Variants in CTNNA3 observed in about 807,000 individuals in gnomAD.
CTNNA3 encodes the protein catenin alpha 3.
CTNNA3 carries 76 observed loss-of-function variants against 95.7 expected under a neutral mutation model. That is an observed-to-expected ratio of 0.79 (90% CI 0.66 to 0.96). The LOEUF is 0.96. CTNNA3 is among the 40% of genes least tolerant of loss of function. The probability of loss-of-function intolerance (pLI) is 0.00; values close to 1 mark genes in which losing one functional copy is unlikely to be tolerated. For missense variants in CTNNA3, 1,191 were observed against 1,089.8 expected (o/e 1.09, Z -1.31); for synonymous variants, 431 against 374.4 (o/e 1.15, Z -1.74).
At chr10:67,364,634 A>G (rs1266324042) in intron 5 of CTNNA3, among the ~76,000 whole-genome samples, 1 of 152,228 alleles carries the variant, frequency 6.6e-6, no homozygotes, top group African/African-American at 2.4e-5. Flanking sequence ...CAATTACTAC[A>G]AAGAGAATAA....
At chr10:67,720,002 C>T (rs1427215104) in intron 1 of CTNNA3, among the ~76,000 whole-genome samples, 1 of 151,764 alleles carries the variant, frequency 6.6e-6, no homozygotes, top group Non-Finnish European at 1.5e-5. Flanking sequence ...TTTGCATATA[C>T]ATTCGGAATA....
intron 9 of CTNNA3, among the ~76,000 whole-genome samples, chr10:66,680,922 C>G (rs1461628904): frequency 6.6e-6 from 1 of 152,054 alleles, no homozygotes; most frequent in East Asian, 1.9e-4. Context: ...GACAGGAGAG[C>G]ATTGAAGGAA....
At chr10:65,931,511 A>G (rs2077252001) in intron 17 of CTNNA3, among the ~76,000 whole-genome samples, 1 of 152,116 alleles carries the variant, frequency 6.6e-6, no homozygotes, top group Admixed American at 6.6e-5. Context: ...CTGGAGCAAC[A>G]AGGTTGTTAT....
At chr10:67,426,725 C>T (rs1417665228) in intron 5 of CTNNA3, among the ~76,000 whole-genome samples, 3 of 151,512 alleles carry the variant, frequency 2.0e-5, no homozygotes. Context: ...TTGATGGGTG[C>T]AGCAAACCAA....
intron 11 of CTNNA3, among the ~76,000 whole-genome samples, chr10:66,430,789 C>T (rs2093287700): frequency 6.6e-6 from 1 of 152,102 alleles, no homozygotes; most frequent in African/African-American, 2.4e-5. Context: ...AGACCTAAAA[C>T]CATAAAAACC....
chr10:66,846,136 A>G (rs1003812577), intron 7 of CTNNA3, among the ~76,000 whole-genome samples: 8 of 151,142 alleles, frequency 5.3e-5, no homozygotes, highest in Admixed American at 4.6e-4. Context: ...TGTCTCAAAA[A>G]AAAGGGAAAT....
At chr10:65,961,540 T>C (rs1399255186) in intron 17 of CTNNA3, among the ~76,000 whole-genome samples, 1 of 152,130 alleles carries the variant, frequency 6.6e-6, no homozygotes, top group East Asian at 1.9e-4. Flanking sequence ...GACTATGATA[T>C]GTGTACTGCT....
intron 12 of CTNNA3, among the ~76,000 whole-genome samples, chr10:66,315,004 G>T (rs1328814275): frequency 6.6e-6 from 1 of 151,950 alleles, no homozygotes; most frequent in Non-Finnish European, 1.5e-5. Context: ...CTTTTTCATG[G>T]ACTTACCCTT....
intron 7 of CTNNA3, among the ~76,000 whole-genome samples, chr10:66,967,309 G>C (rs1383465988): frequency 6.6e-6 from 1 of 150,698 alleles, no homozygotes; most frequent in East Asian, 1.9e-4. Context: ...TATAGGTATA[G>C]ATAGATATAG....
rs150445789 is a variant in CTNNA3, at chr10:66,317,392, A to C, written c.1733-36771T>G. Reference sequence around the variant, plus strand: ...GAAATACTTATAAAAAGAAATTTTAAGCCGGGCGTGGTGGCTCACACCTGT... The same window carrying C: ...GAAATACTTATAAAAAGAAATTTTACGCCGGGCGTGGTGGCTCACACCTGT... On this transcript the variant is annotated intron_variant, in intron 12 of 17. Transcript: ENST00000433211. Among the ~76,000 whole-genome samples, 288 of 152,114 alleles carry C rather than the reference A, an allele frequency of 1.9e-3. 2 individuals are homozygous for C. The highest frequency in any genetic ancestry group is 6.5e-3 in the African/African-American group (270 of 41,538).
Position 67,444,312 on chromosome 10 carries a change from A to C in CTNNA3, c.579+77530T>G, listed in dbSNP as rs149933660. On this transcript the variant is annotated intron_variant, in intron 5 of 17. Transcript: ENST00000433211. ...TGAATGACTAGTGGGTCAATGAAAA[A>C]ATTAAGAAGAAAATTTACAAATTTC... is the stretch of plus-strand genomic sequence containing the variant. 3.4e-3 allele frequency among the ~76,000 whole-genome samples: 517 copies of C among 152,298 alleles called. 4 individuals are homozygous for C. Among genetic ancestry groups the C allele is most frequent in the African/African-American group, 0.012 (489 of 41,578 alleles).
At chr10:67,648,738 A>G in intron 1 of CTNNA3, 1 of 1,289,652 alleles carries the variant, frequency 7.8e-7, no homozygotes. Context: ...GCCCTGTTTT[A>G]CCTTGTTTCT....
chr10:66,371,225 G>T (rs2092751960), intron 12 of CTNNA3, among the ~76,000 whole-genome samples: 1 of 152,114 alleles, frequency 6.6e-6, no homozygotes. Flanking sequence ...AAAGAAAGAA[G>T]AAACCTCAGT....
intron 10 of CTNNA3, among the ~76,000 whole-genome samples, chr10:66,575,128 C>T (rs551682083): frequency 2.0e-5 from 3 of 152,232 alleles, no homozygotes; most frequent in African/African-American, 7.2e-5. Flanking sequence ...AACCCATGCA[C>T]CGTCCTAGCC....
chr10:66,435,051 A>AT (rs137956190), intron 11 of CTNNA3, among the ~76,000 whole-genome samples: 5,610 of 152,022 alleles, frequency 0.037, 335 homozygotes, highest in African/African-American at 0.13. Flanking sequence ...GTTTTCCAGT[A>AT]TTTTATTGAG....
intron 13 of CTNNA3, among the ~76,000 whole-genome samples, chr10:66,261,163 T>C (rs2090983626): frequency 6.6e-6 from 1 of 152,134 alleles, no homozygotes; most frequent in African/African-American, 2.4e-5. Context: ...TATTAGCAGC[T>C]CAAGGGTATA....
chr10:66,142,508 T>C (rs897142323), intron 13 of CTNNA3, among the ~76,000 whole-genome samples: 1 of 152,248 alleles, frequency 6.6e-6, no homozygotes, highest in East Asian at 1.9e-4. Context: ...TCTACATATA[T>C]ACTTTCAAGT....
chr10:66,703,934 T>C (rs1410959117), intron 9 of CTNNA3, among the ~76,000 whole-genome samples: 1 of 152,184 alleles, frequency 6.6e-6, no homozygotes, highest in Non-Finnish European at 1.5e-5. Flanking sequence ...GCTTTATCAC[T>C]ACAAATCTTT....
At chr10:67,105,085 T>C (rs959392878) in intron 7 of CTNNA3, among the ~76,000 whole-genome samples, 6 of 152,086 alleles carry the variant, frequency 3.9e-5, no homozygotes, top group African/African-American at 1.4e-4. Flanking sequence ...TGTGATTTAT[T>C]ATTAAATAAT....
Sources: gnomAD v4.1 joint callset for allele counts (sites outside exome capture counted in the v4.1 genomes callset) on GRCh38, gnomAD v4.1.1 for gene constraint, MANE v1.5 for transcripts, NCBI Gene and HGNC (gene_info 2026-07-23, HGNC 2026-07-21) for gene names.